CPO: variants seen among roughly 807,000 people sequenced by gnomAD.
CPO encodes the protein carboxypeptidase O, also known as metallocarboxypeptidase C.
In CPO, 43 loss-of-function variants were observed where a neutral mutation model predicts 41.2. The observed-to-expected ratio is 1.04, with a 90% CI of 0.82 to 1.35. The LOEUF is 1.35. CPO is among the 40% of genes most tolerant of loss of function. CPO has a pLI of 0.00. For missense variants in CPO, 408 were observed against 451.7 expected (o/e 0.90, Z 0.88); for synonymous variants, 178 against 162.7 (o/e 1.09, Z -0.72).
At chr2:206,952,125 T>TG (rs1374559200) in intron 2 of CPO, among the ~76,000 whole-genome samples, 1 of 151,892 alleles carries the variant, frequency 6.6e-6, no homozygotes, top group East Asian at 1.9e-4. Context: ...ATTAACTTTT[T>TG]TTTTTTTGAG....
intron 7 of CPO, among the ~76,000 whole-genome samples, chr2:206,965,190 G>A (rs1329843156): frequency 6.6e-6 from 1 of 152,166 alleles, no homozygotes; most frequent in African/African-American, 2.4e-5. Flanking sequence ...AGTCTCAGGT[G>A]CTGAAGAGTT....
chr2:206,955,610 G>A, intron 3 of CPO, 46 bp downstream of exon 3: 2 of 1,007,378 alleles, frequency 2.0e-6, no homozygotes, highest in Middle Eastern at 2.0e-4. Flanking sequence ...AATTATCCAG[G>A]AGGATATGTG....
intron 3 of CPO, among the ~76,000 whole-genome samples, chr2:206,958,079 G>T (rs1310412285): frequency 1.3e-5 from 2 of 152,188 alleles, no homozygotes; most frequent in Non-Finnish European, 2.9e-5. Flanking sequence ...GAGCCAGTGT[G>T]CAGTCCTGAG....
chr2:206,954,664 C>T (rs1393226128), intron 2 of CPO, among the ~76,000 whole-genome samples: 1 of 152,134 alleles, frequency 6.6e-6, no homozygotes, highest in Non-Finnish European at 1.5e-5. Context: ...TCTACTAGTA[C>T]CAATATACTG....
intron 3 of CPO, 27 bp from the exon 4 acceptor site, chr2:206,958,274 G>A (rs1166090711): frequency 1.3e-5 from 16 of 1,245,890 alleles, no homozygotes; most frequent in Non-Finnish European, 1.8e-5. Context: ...CAATTGTTTA[G>A]TAATGGGGCA....
At chr2:206,952,871 T>G (rs1275802835) in intron 2 of CPO, among the ~76,000 whole-genome samples, 1 of 152,146 alleles carries the variant, frequency 6.6e-6, no homozygotes, top group Non-Finnish European at 1.5e-5. Context: ...CTCAAAATCA[T>G]GGTGGAATGT....
At chr2:206,944,350 T>A (rs1052175967) in intron 1 of CPO, among the ~76,000 whole-genome samples, 1 of 151,936 alleles carries the variant, frequency 6.6e-6, no homozygotes, top group Admixed American at 6.6e-5. Flanking sequence ...TACAAAATGA[T>A]CATCTTTTGT....
At chr2:206,946,747 C>A (rs1274082370) in intron 1 of CPO, among the ~76,000 whole-genome samples, 1 of 151,964 alleles carries the variant, frequency 6.6e-6, no homozygotes, top group Non-Finnish European at 1.5e-5. Flanking sequence ...CTGGAATAAG[C>A]AATTATAGCA....
At chr2:206,962,708 A>AC in intron 7 of CPO, 94 bp downstream of exon 7, 1 of 1,008,880 alleles carries the variant, frequency 9.9e-7, no homozygotes, top group South Asian at 1.4e-5. Context: ...GGCTCCAGCC[A>AC]CCCTTTTGTT....
At chr2:206,963,321 C>T (rs1315432849) in intron 7 of CPO, among the ~76,000 whole-genome samples, 1 of 152,128 alleles carries the variant, frequency 6.6e-6, no homozygotes, top group East Asian at 1.9e-4. Flanking sequence ...ATTTGTTTTC[C>T]TTTTATTTTT....
chr2:206,958,406 G>A lies in CPO; in HGVS notation c.372+1G>A, dbSNP rs566620111. ...TTTTTGCCAATGGTTCGTCAAAGAA[G>A]TAAGTGTCTTTAGCTTTCTCATACT... On this transcript the variant is annotated splice_donor_variant, in intron 4 of 8. Coordinates refer to ENST00000272852, the MANE Select transcript of CPO (RefSeq NM_173077.3). LOFTEE classifies it high-confidence loss of function. 6 of 1,549,420 alleles carry A rather than the reference G, an allele frequency of 3.9e-6. No individual in the cohort carries two copies. The Admixed American group carries it at 8.6e-5, about 22-fold the overall frequency.
intron 3 of CPO, among the ~76,000 whole-genome samples, chr2:206,956,161 C>G (rs1306771919): frequency 6.6e-6 from 1 of 152,090 alleles, no homozygotes; most frequent in South Asian, 2.1e-4. Flanking sequence ...TCCACAGGGC[C>G]AGGACCCCTG....
chr2:206,968,345 T>A lies in CPO; in HGVS notation c.860T>A (p.Leu287Ter). The stretch of plus-strand genomic sequence containing the variant: ...AGAGTTGGATCGAGTGCAGATATTT[T>A]ATGTAAGTATCTTTTTTTGCCTCTT... Reference protein sequence around the residue: ...NYRVGSSADILYASSGSSRDW... With the variant: ...NYRVGSSADI Residue 287 changes from leucine (L) to a stop codon, truncating the protein, a stop_gained and splice_region_variant, in exon 8 of 9, where the codon TTA becomes TAA. Coordinates refer to ENST00000272852, the MANE Select transcript of CPO (RefSeq NM_173077.3). LOFTEE classifies it low-confidence loss of function (END_TRUNC). The A allele has an allele frequency of 6.3e-7, 1 of 1,583,028 alleles. No individual in the cohort carries two copies. Among genetic ancestry groups the A allele is most frequent in the Non-Finnish European group, 8.7e-7 (1 of 1,152,040 alleles).
At chr2:206,956,348 C>G (rs941324913) in intron 3 of CPO, among the ~76,000 whole-genome samples, 2 of 152,116 alleles carry the variant, frequency 1.3e-5, no homozygotes, top group Non-Finnish European at 2.9e-5. Context: ...TAATGTGTAA[C>G]CAGAGTTGAC....
intron 7 of CPO, among the ~76,000 whole-genome samples, chr2:206,964,712 G>A (rs1180851093): frequency 6.6e-6 from 1 of 152,186 alleles, no homozygotes; most frequent in Non-Finnish European, 1.5e-5. Context: ...CAGTCAAGAA[G>A]CCCAGAATGC....
At chr2:206,952,485 G>C (rs1263667209) in intron 2 of CPO, among the ~76,000 whole-genome samples, 5 of 152,182 alleles carry the variant, frequency 3.3e-5, no homozygotes, top group Non-Finnish European at 7.3e-5. Context: ...ATTGTAAGAG[G>C]TGTGAAATGC....
chr2:206,955,550 A>G lies in CPO; in HGVS notation c.253A>G (p.Met85Val), dbSNP rs1166779766. The G allele has an allele frequency of 1.3e-6, 2 of 1,574,848 alleles. No individual in the cohort carries two copies. The highest frequency in any genetic ancestry group is 3.3e-5 in the Admixed American group (2 of 59,982). ...FLGVTYETHPMYYLKISQPSG... is the reference protein window; with the variant it reads ...FLGVTYETHPVYYLKISQPSG... ...AGGAGTGACCTATGAGACCCACCCC[A>G]TGTATTATCTGAAGGTGAGTGAGAA... The change falls in exon 3 of 9, where the codon ATG (methionine) becomes GTG (valine). Residue 85 changes from methionine (M) to valine (V), a missense_variant. By Grantham distance (21) the Met-to-Val change is conservative. Transcript: ENST00000272852.
intron 1 of CPO, among the ~76,000 whole-genome samples, chr2:206,943,107 C>G (rs1693058864): frequency 6.6e-6 from 1 of 152,050 alleles, no homozygotes; most frequent in African/African-American, 2.4e-5. Context: ...CCAGGGAATC[C>G]CAGCCCAATT....
Position 206,969,459 on chromosome 2 carries a change from C to A in CPO, c.*23C>A. 1 of 1,611,530 alleles carries A rather than the reference C, an allele frequency of 6.2e-7. No individual in the cohort carries two copies. Among genetic ancestry groups the A allele is most frequent in the South Asian group, 1.1e-5 (1 of 90,988 alleles). On this transcript the variant is annotated 3_prime_UTR_variant, in exon 9 of 9. Coordinates refer to ENST00000272852, the MANE Select transcript of CPO (RefSeq NM_173077.3). Reference sequence around the variant, plus strand: ...TAAGTGCATTCTGCCCAGGCCTGCTCAACCCCAGTGGCATGAGTGTGGCTG... The same window carrying A: ...TAAGTGCATTCTGCCCAGGCCTGCTAAACCCCAGTGGCATGAGTGTGGCTG...
Sources: allele counts gnomAD v4.1 joint callset (sites outside exome capture counted in the v4.1 genomes callset), GRCh38; gene constraint gnomAD v4.1.1; transcripts MANE v1.5; gene names NCBI Gene and HGNC (gene_info 2026-07-23, HGNC 2026-07-21).